PPM1L: variants seen among roughly 807,000 people sequenced by gnomAD.
PPM1L encodes the protein protein phosphatase 1L.
In PPM1L, 13 loss-of-function variants were observed where a neutral mutation model predicts 31.4. The ratio of observed to expected loss-of-function variants is 0.41; its 90% CI spans 0.27 to 0.66. The LOEUF (loss-of-function observed/expected upper bound fraction) is 0.66. PPM1L is among the 30% of genes least tolerant of loss of function. The pLI, the probability that PPM1L is intolerant of heterozygous loss-of-function variation, is 0.29. For synonymous variants in PPM1L, 184 were observed against 175.4 expected (o/e 1.05, Z -0.39); for missense variants, 326 against 453.7 (o/e 0.72, Z 2.56).
intron 1 of PPM1L, among the ~76,000 whole-genome samples, chr3:160,788,298 G>T (rs750518136): frequency 6.6e-6 from 1 of 152,024 alleles, no homozygotes; most frequent in Non-Finnish European, 1.5e-5. Context: ...TTTCATCAGT[G>T]TTTTGTAATT....
At position 161,045,854 on chromosome 3, in the gene PPM1L, G is replaced by A. The variant is rs550107896; in HGVS notation, c.575-19549G>A. On this transcript the variant is annotated intron_variant, in intron 2 of 3. Transcript: ENST00000498165. ...GGGCCAGGCGTGGTGGCTCATGCCT[G>A]TAATCCCAGCACTTTGCGAGGCTGA... Among the ~76,000 whole-genome samples, 17 of 152,248 alleles carry A rather than the reference G, an allele frequency of 1.1e-4. No individual in the cohort carries two copies. The South Asian group carries it at 2.7e-3, about 24-fold the overall frequency.
chr3:160,997,429 C>T (rs1717358175), intron 2 of PPM1L, among the ~76,000 whole-genome samples: 1 of 152,090 alleles, frequency 6.6e-6, no homozygotes, highest in Non-Finnish European at 1.5e-5. Context: ...GAGTTTTTGA[C>T]CTTTAGTAAA....
intron 1 of PPM1L, among the ~76,000 whole-genome samples, chr3:160,862,414 T>C (rs1299708284): frequency 6.6e-6 from 1 of 152,084 alleles, no homozygotes; most frequent in African/African-American, 2.4e-5. Context: ...TGAAGGTATG[T>C]TTTCTGGAAA....
intron 1 of PPM1L, among the ~76,000 whole-genome samples, chr3:160,907,334 G>T (rs1713796989): frequency 6.6e-6 from 1 of 152,084 alleles, no homozygotes; most frequent in African/African-American, 2.4e-5. Context: ...TATTAATTCT[G>T]GTCTACGTAT....
At chr3:161,002,780 T>C (rs1259830589) in intron 2 of PPM1L, among the ~76,000 whole-genome samples, 8 of 141,362 alleles carry the variant, frequency 5.7e-5, no homozygotes, top group African/African-American at 2.2e-4. Context: ...TTCTCCCATT[T>C]TGTAGGTTGC....
At chr3:161,016,821 G>A (rs2108068351) in intron 2 of PPM1L, among the ~76,000 whole-genome samples, 1 of 152,210 alleles carries the variant, frequency 6.6e-6, no homozygotes, top group East Asian at 1.9e-4. Flanking sequence ...ATATGTGGAT[G>A]GTGTGGAGAC....
In PPM1L at chr3:160,952,154, G is replaced by A. The variant is rs149140420; in HGVS notation, c.400-9582G>A. On this transcript the variant is annotated intron_variant, in intron 1 of 3. Coordinates refer to ENST00000498165, the MANE Select transcript of PPM1L (RefSeq NM_139245.4). ...GAAATGACACTCTTGGCAGGCATGA[G>A]AGAAGAATAACTCCCTTGCCTTATG... Among the ~76,000 whole-genome samples the A allele has an allele frequency of 2.0e-5, 3 of 152,298 alleles. No homozygotes were observed. In the East Asian group the frequency reaches 5.8e-4, roughly 29 times the overall value.
intron 1 of PPM1L, among the ~76,000 whole-genome samples, chr3:160,956,180 T>C (rs908973179): frequency 5.9e-5 from 9 of 152,218 alleles, no homozygotes; most frequent in Non-Finnish European, 1.2e-4. Flanking sequence ...ACCCACTGAG[T>C]TCTTTTTATG....
At chr3:160,874,337 T>C (rs1439793855) in intron 1 of PPM1L, among the ~76,000 whole-genome samples, 7 of 152,222 alleles carry the variant, frequency 4.6e-5, no homozygotes, top group Admixed American at 4.6e-4. Context: ...CAGACTCTTT[T>C]GTGGCTGAGT....
At chr3:160,912,968 C>G (rs1271173212) in intron 1 of PPM1L, among the ~76,000 whole-genome samples, 2 of 152,164 alleles carry the variant, frequency 1.3e-5, no homozygotes, top group East Asian at 3.9e-4. Flanking sequence ...ATTTGATAAC[C>G]TCTTTGAGTT....
intron 1 of PPM1L, among the ~76,000 whole-genome samples, chr3:160,788,905 G>A (rs114102971): frequency 3.2e-4 from 48 of 151,876 alleles, no homozygotes; most frequent in African/African-American, 1.1e-3. Context: ...TAAACAACCT[G>A]TTTTAATTAC....
At chr3:160,883,800 C>T (rs1712814411) in intron 1 of PPM1L, among the ~76,000 whole-genome samples, 1 of 147,634 alleles carries the variant, frequency 6.8e-6, no homozygotes, top group Non-Finnish European at 1.5e-5. Flanking sequence ...AGACAAGTTG[C>T]TCCATTTTTC....
At chr3:160,770,062 G>C (rs2108060250) in intron 1 of PPM1L, among the ~76,000 whole-genome samples, 1 of 152,242 alleles carries the variant, frequency 6.6e-6, no homozygotes, top group South Asian at 2.1e-4. Context: ...TTTCTCATCT[G>C]ATTATTGTCA....
At position 160,824,519 on chromosome 3, in the gene PPM1L, G is replaced by T. The variant is rs78700209; in HGVS notation, c.399+67812G>T. Reference sequence around the variant, plus strand: ...GGGAAAGGTCATAGGCTGGAATCCTGTGCGTGTCTGTTTGCTCATTCCGTG... The same window carrying T: ...GGGAAAGGTCATAGGCTGGAATCCTTTGCGTGTCTGTTTGCTCATTCCGTG... On this transcript the variant is annotated intron_variant, in intron 1 of 3. Coordinates refer to ENST00000498165, the MANE Select transcript of PPM1L (RefSeq NM_139245.4). Among the ~76,000 whole-genome samples the T allele has an allele frequency of 5.2e-3, 797 of 152,288 alleles. 14 individuals are homozygous for T. The highest frequency in any genetic ancestry group is 0.045 in the East Asian group (231 of 5,168).
intron 2 of PPM1L, among the ~76,000 whole-genome samples, chr3:161,001,728 ATCCTATTAGGATT>A (rs1220656080): frequency 1.3e-5 from 2 of 152,070 alleles, no homozygotes. Context: ...TTTCTTCTCC[ATCCTATTAGGATT>A]AGGATTGGAA....
intron 1 of PPM1L, among the ~76,000 whole-genome samples, chr3:160,863,930 A>G (rs1274446964): frequency 6.6e-6 from 1 of 152,150 alleles, no homozygotes; most frequent in Non-Finnish European, 1.5e-5. Flanking sequence ...AATATTTGAG[A>G]TGGAAAAAAA....
At chr3:161,046,004 G>A (rs113014770) in intron 2 of PPM1L, among the ~76,000 whole-genome samples, 7 of 151,138 alleles carry the variant, frequency 4.6e-5, no homozygotes, top group Non-Finnish European at 8.8e-5. Flanking sequence ...CCAGCTACTC[G>A]GGAGGCTGAG....
intron 1 of PPM1L, among the ~76,000 whole-genome samples, chr3:160,870,023 G>C (rs1370588580): frequency 6.6e-6 from 1 of 152,176 alleles, no homozygotes; most frequent in African/African-American, 2.4e-5. Context: ...CTCTGTGGTA[G>C]CAACAATTCA....
intron 2 of PPM1L, among the ~76,000 whole-genome samples, chr3:160,984,115 G>A (rs746598686): frequency 3.9e-5 from 6 of 152,302 alleles, no homozygotes; most frequent in South Asian, 4.1e-4. Flanking sequence ...TTGCCAGGCT[G>A]GAATTTCCTA....
Sources: gnomAD v4.1 joint callset for allele counts (sites outside exome capture counted in the v4.1 genomes callset) on GRCh38, gnomAD v4.1.1 for gene constraint, MANE v1.5 for transcripts, NCBI Gene and HGNC (gene_info 2026-07-23, HGNC 2026-07-21) for gene names.